Variants in ARNT2 observed in about 807,000 individuals in gnomAD.
ARNT2 encodes ARNT protein 2.
ARNT2 carries 36 observed loss-of-function variants against 91.7 expected under a neutral mutation model. The observed-to-expected ratio is 0.39, with a 90% CI of 0.30 to 0.52. The LOEUF is 0.52. Among genes scored for constraint, ARNT2 ranks in the 20% least tolerant of loss-of-function variants. ARNT2 has a pLI of 0.72. For synonymous variants in ARNT2, 365 were observed against 347.1 expected (o/e 1.05, Z -0.57); for missense variants, 775 against 939.3 (o/e 0.83, Z 2.29).
chr15:80,557,438 C>T (rs2141461021), intron 11 of ARNT2, among the ~76,000 whole-genome samples: 1 of 152,232 alleles, frequency 6.6e-6, no homozygotes. Flanking sequence ...GGTAGTAGCC[C>T]ACTGGGGTCT....
At chr15:80,432,596 C>G (rs1367148619) in intron 1 of ARNT2, among the ~76,000 whole-genome samples, 2 of 152,070 alleles carry the variant, frequency 1.3e-5, no homozygotes, top group Admixed American at 6.5e-5. Flanking sequence ...GCCTTCAAAG[C>G]CTGAAATATT....
chr15:80,546,435 A>C (rs572180585), intron 8 of ARNT2, among the ~76,000 whole-genome samples: 27 of 152,354 alleles, frequency 1.8e-4, no homozygotes, highest in Non-Finnish European at 3.5e-4. Flanking sequence ...GCTCTGAATA[A>C]ATCAAGGTTC....
chr15:80,473,936 TGC>T (rs1896766432), intron 4 of ARNT2, among the ~76,000 whole-genome samples: 1 of 152,226 alleles, frequency 6.6e-6, no homozygotes, highest in African/African-American at 2.4e-5. Context: ...AAAAGATGTT[TGC>T]TAGCTGCTGA....
intron 6 of ARNT2, 133 bp from the exon 7 acceptor site, chr15:80,513,778 G>T: frequency 7.0e-6 from 4 of 568,498 alleles, no homozygotes; most frequent in Non-Finnish European, 9.3e-6. Flanking sequence ...CACTTTTGAA[G>T]AAAATTGGCT....
intron 1 of ARNT2, among the ~76,000 whole-genome samples, chr15:80,446,076 C>T (rs529032810): frequency 2.0e-5 from 3 of 152,208 alleles, no homozygotes; most frequent in African/African-American, 4.8e-5. Context: ...TGCTTTACAA[C>T]GATTAGCTTC....
chr15:80,525,378 A>T (rs1384648701), intron 8 of ARNT2, among the ~76,000 whole-genome samples: 1 of 152,192 alleles, frequency 6.6e-6, no homozygotes, highest in African/African-American at 2.4e-5. Context: ...TTGTAACTAC[A>T]TTCTTAGCAC....
chr15:80,569,095 A>C (rs1430998594), intron 12 of ARNT2, among the ~76,000 whole-genome samples: 1 of 152,188 alleles, frequency 6.6e-6, no homozygotes, highest in East Asian at 1.9e-4. Flanking sequence ...CTCCATCCCC[A>C]GACGCCTCCC....
At chr15:80,477,907 G>A (rs1381896741) in intron 5 of ARNT2, among the ~76,000 whole-genome samples, 1 of 152,188 alleles carries the variant, frequency 6.6e-6, no homozygotes, top group Non-Finnish European at 1.5e-5. Flanking sequence ...AATTTTCTCA[G>A]TGCTGGTGAT....
At chr15:80,433,553 CCT>C (rs1206517435) in intron 1 of ARNT2, among the ~76,000 whole-genome samples, 1 of 152,076 alleles carries the variant, frequency 6.6e-6, no homozygotes, top group Non-Finnish European at 1.5e-5. Flanking sequence ...CCCGCCTCGG[CCT>C]CCCAAAGTGC....
Position 80,597,026 on chromosome 15 carries a change from C to A in ARNT2, c.*3328C>A. 1 of 414,452 alleles carries A rather than the reference C, an allele frequency of 2.4e-6. No homozygotes were observed. Among genetic ancestry groups the A allele is most frequent in the East Asian group, 6.6e-5 (1 of 15,226 alleles). 25.7% of individuals were successfully genotyped at this position (414,452 alleles called of 1,614,324 possible). On this transcript the variant is annotated 3_prime_UTR_variant, in exon 19 of 19. Transcript: ENST00000303329. The stretch of plus-strand genomic sequence containing the variant: ...ACCAGATTCTACACTGTTGTTATTT[C>A]ATGAGACGTGAATGTTGCAGAGAGT...
chr15:80,443,029 C>T (rs1311764255), intron 1 of ARNT2: 1 of 984,990 alleles, frequency 1.0e-6, no homozygotes, highest in African/African-American at 1.7e-5. Flanking sequence ...AGTCCAGGTA[C>T]AGTAAGAATG....
chr15:80,490,165 A>G (rs2141410719), intron 5 of ARNT2, among the ~76,000 whole-genome samples: 1 of 152,332 alleles, frequency 6.6e-6, no homozygotes, highest in African/African-American at 2.4e-5. Flanking sequence ...AAGCCAGGCA[A>G]AGATGTGATT....
intron 15 of ARNT2, among the ~76,000 whole-genome samples, chr15:80,577,772 G>A (rs1010131895): frequency 2.0e-5 from 3 of 152,244 alleles, no homozygotes; most frequent in African/African-American, 7.2e-5. Flanking sequence ...AAGGAATGAG[G>A]ATTTTGCTTC....
At chr15:80,477,875 G>A (rs1286101026) in intron 5 of ARNT2, among the ~76,000 whole-genome samples, 1 of 152,206 alleles carries the variant, frequency 6.6e-6, no homozygotes. Context: ...GAAGTGTACA[G>A]CTGTTTTGGA....
At position 80,595,376 on chromosome 15, in the gene ARNT2, A is replaced by C. The variant is rs1047857765; in HGVS notation, c.*1678A>C. On this transcript the variant is annotated 3_prime_UTR_variant, in exon 19 of 19. Coordinates refer to ENST00000303329, the MANE Select transcript of ARNT2 (RefSeq NM_014862.4). ...AGAAACAACCCGTGCATCCCTGCCC[A>C]TGGATTCTGCAGGACCTAGAAGAGT... 4.0e-4 allele frequency: 61 copies of C among 152,236 alleles called. No individual in the cohort carries two copies. The highest frequency in any genetic ancestry group is 7.9e-4 in the Non-Finnish European group (54 of 68,070). The allele number at this position is 152,236 out of a possible 1,614,324, so 9.4% of individuals were successfully genotyped here.
chr15:80,456,620 G>A (rs1896485333), intron 2 of ARNT2, among the ~76,000 whole-genome samples: 1 of 152,166 alleles, frequency 6.6e-6, no homozygotes, highest in African/African-American at 2.4e-5. Context: ...ACTAGGATTT[G>A]TCTTGTTGGG....
rs1313140652 is a variant in ARNT2, at chr15:80,593,820, T to TC, written c.*127dup. On this transcript the variant is annotated 3_prime_UTR_variant, in exon 19 of 19. Transcript: ENST00000303329. ...CGCAGGCCCCCCACCAGAAGCCATC[T>TC]CCCCCGCTGTGTGTCCCCAGGCGCA... 1 of 867,744 alleles carries TC rather than the reference T, an allele frequency of 1.2e-6. No homozygotes were observed. The highest frequency in any genetic ancestry group is 1.8e-6 in the Non-Finnish European group (1 of 559,520). The allele number at this position is 867,744 out of a possible 1,614,324, so 53.8% of individuals were successfully genotyped here. A position where few individuals can be genotyped will look rare whatever the true frequency, so the allele number is the denominator to read the frequency against.
chr15:80,423,746 G>C (rs1239376921), intron 1 of ARNT2, among the ~76,000 whole-genome samples: 2 of 148,902 alleles, frequency 1.3e-5, no homozygotes, highest in Admixed American at 1.4e-4. Context: ...GATATTTTGT[G>C]TGTGTGTGTG....
At chr15:80,477,469 G>A (rs144148158) in intron 5 of ARNT2, among the ~76,000 whole-genome samples, 5 of 152,336 alleles carry the variant, frequency 3.3e-5, no homozygotes, top group South Asian at 2.1e-4. Flanking sequence ...TTCAGCGTAC[G>A]AATTTGGGGA....
Sources: allele counts gnomAD v4.1 joint callset (sites outside exome capture counted in the v4.1 genomes callset), GRCh38; gene constraint gnomAD v4.1.1; transcripts MANE v1.5; gene names NCBI Gene and HGNC (gene_info 2026-07-23, HGNC 2026-07-21).